RNU4-2: variants seen among roughly 807,000 people sequenced by gnomAD.
RNU4-2 encodes the protein RNA, U4 small nuclear 1B.
chr12:120,291,844 T>C (rs952217888), exon 1 of RNU4-2: 14 of 152,170 alleles, frequency 9.2e-5, no homozygotes, highest in African/African-American at 1.7e-4. Flanking sequence ...AGTTTTCAAT[T>C]AGCAATAATC....
exon 1 of RNU4-2, chr12:120,291,900 A>C (rs1871990041): frequency 6.6e-6 from 1 of 152,128 alleles, no homozygotes; most frequent in African/African-American, 2.4e-5. Context: ...CACTGCGCAA[A>C]GCTGGAAAGG....
chr12:120,291,871 T>A (rs1224529843), exon 1 of RNU4-2: 1 of 152,138 alleles, frequency 6.6e-6, no homozygotes, highest in Non-Finnish European at 1.5e-5. Context: ...CGGATAAACC[T>A]CATTGGCTAC....
At chr12:120,291,864 A>AT (rs1015783923) in exon 1 of RNU4-2, 9 of 152,138 alleles carry the variant, frequency 5.9e-5, no homozygotes, top group Admixed American at 1.3e-4. Context: ...CGCGCCTCGG[A>AT]TAAACCTCAT....
chr12:120,291,804 T>C (rs1298139272), exon 1 of RNU4-2: 5 of 152,332 alleles, frequency 3.3e-5, no homozygotes, highest in African/African-American at 7.2e-5. Flanking sequence ...CCGACTATAT[T>C]TCAAGTCGTC....
chr12:120,291,793 G>T (rs961630411), exon 1 of RNU4-2: 2 of 152,098 alleles, frequency 1.3e-5, no homozygotes, highest in Non-Finnish European at 2.9e-5. Flanking sequence ...AATTGCCAAT[G>T]CCGACTATAT....
chr12:120,291,892 C>T (rs941221929), exon 1 of RNU4-2: 1 of 152,156 alleles, frequency 6.6e-6, no homozygotes, highest in Non-Finnish European at 1.5e-5. Context: ...GATACTGCCA[C>T]TGCGCAAAGC....
exon 1 of RNU4-2, chr12:120,291,890 C>T (rs561549718): frequency 3.9e-5 from 6 of 152,104 alleles, no homozygotes; most frequent in African/African-American, 9.7e-5. Flanking sequence ...ACGATACTGC[C>T]ACTGCGCAAA....
rs1003257031 is a variant in RNU4-2, at chr12:120,291,897, C to G, written n.7G>C. Reference sequence around the variant, plus strand: ...CATTGGCTACGATACTGCCACTGCGCAAAGCTGGAAAGGTTCTGTTCGCGC... The same window carrying G: ...CATTGGCTACGATACTGCCACTGCGGAAAGCTGGAAAGGTTCTGTTCGCGC... On this transcript the variant is annotated non_coding_transcript_exon_variant, in exon 1 of 1. Transcript: ENST00000365668. The G allele has an allele frequency of 1.3e-5, 2 of 152,104 alleles. No homozygotes were observed. Among genetic ancestry groups the G allele is most frequent in the African/African-American group, 2.4e-5 (1 of 41,414 alleles). The allele number at this position is 152,104 out of a possible 1,614,324, so 9.4% of individuals were successfully genotyped here.
exon 1 of RNU4-2, chr12:120,291,883 A>G (rs1017668573): frequency 6.6e-6 from 1 of 152,078 alleles, no homozygotes; most frequent in Non-Finnish European, 1.5e-5. Context: ...ATTGGCTACG[A>G]TACTGCCACT....
At chr12:120,291,763 T>A (rs570671979) in exon 1 of RNU4-2, 1 of 152,128 alleles carries the variant, frequency 6.6e-6, no homozygotes, top group Non-Finnish European at 1.5e-5. Context: ...AAAAATTCAG[T>A]CTCCGTAGAG....
chr12:120,291,771 G>T (rs575295998), exon 1 of RNU4-2: 1 of 152,262 alleles, frequency 6.6e-6, no homozygotes, highest in South Asian at 2.1e-4. Context: ...AGTCTCCGTA[G>T]AGACTGTCAA....
In RNU4-2 at chr12:120,291,878, C is replaced by T. The variant is rs576696123; in HGVS notation, n.26G>A. 2.6e-5 allele frequency: 4 copies of T among 152,204 alleles called. No individual in the cohort carries two copies. The highest frequency in any genetic ancestry group is 2.1e-4 in the South Asian group (1 of 4,816). The allele number at this position is 152,204 out of a possible 1,614,324, so 9.4% of individuals were successfully genotyped here. ...TCGCGCCTCGGATAAACCTCATTGG[C>T]TACGATACTGCCACTGCGCAAAGCT... On this transcript the variant is annotated non_coding_transcript_exon_variant, in exon 1 of 1. Transcript: ENST00000365668.
At chr12:120,291,768 G>A (rs749327306) in exon 1 of RNU4-2, 6 of 152,110 alleles carry the variant, frequency 3.9e-5, no homozygotes, top group Non-Finnish European at 7.3e-5. Flanking sequence ...TTCAGTCTCC[G>A]TAGAGACTGT....
exon 1 of RNU4-2, chr12:120,291,859 C>T (rs1222177579): frequency 2.0e-5 from 3 of 152,136 alleles, no homozygotes; most frequent in Admixed American, 1.3e-4. Context: ...ATAATCGCGC[C>T]TCGGATAAAC....
chr12:120,291,806 C>A (rs568537588), exon 1 of RNU4-2: 1 of 152,184 alleles, frequency 6.6e-6, no homozygotes, highest in African/African-American at 2.4e-5. Flanking sequence ...GACTATATTT[C>A]AAGTCGTCAT....
chr12:120,291,903 T>G (rs775530273), exon 1 of RNU4-2: 2 of 152,024 alleles, frequency 1.3e-5, no homozygotes, highest in Non-Finnish European at 2.9e-5. Context: ...TGCGCAAAGC[T>G]GGAAAGGTTC....
Position 120,291,793 on chromosome 12 carries a change from G to A in RNU4-2, n.111C>T, listed in dbSNP as rs961630411. The A allele has an allele frequency of 5.9e-5, 9 of 152,098 alleles. No individual in the cohort carries two copies. Among genetic ancestry groups the A allele is most frequent in the Non-Finnish European group, 8.8e-5 (6 of 68,024 alleles). 9.4% of individuals were successfully genotyped at this position (152,098 alleles called of 1,614,324 possible). A position where few individuals can be genotyped will look rare whatever the true frequency, so the allele number is the denominator to read the frequency against. On this transcript the variant is annotated non_coding_transcript_exon_variant, in exon 1 of 1. Coordinates refer to ENST00000365668, the Ensembl canonical transcript of RNU4-2. Reference sequence around the variant, plus strand: ...GTAGAGACTGTCAAAAATTGCCAATGCCGACTATATTTCAAGTCGTCATGG... The same window carrying A: ...GTAGAGACTGTCAAAAATTGCCAATACCGACTATATTTCAAGTCGTCATGG...
exon 1 of RNU4-2, chr12:120,291,878 C>G (rs576696123): frequency 6.6e-6 from 1 of 152,090 alleles, no homozygotes; most frequent in Non-Finnish European, 1.5e-5. Flanking sequence ...ACCTCATTGG[C>G]TACGATACTG....
At position 120,291,775 on chromosome 12, in the gene RNU4-2, C is replaced by T. The variant is rs556495915; in HGVS notation, n.129G>A. ...TTTAAAAATTCAGTCTCCGTAGAGA[C>T]TGTCAAAAATTGCCAATGCCGACTA... On this transcript the variant is annotated non_coding_transcript_exon_variant, in exon 1 of 1. Coordinates refer to ENST00000365668, the Ensembl canonical transcript of RNU4-2. The T allele has an allele frequency of 2.0e-5, 3 of 152,178 alleles. No individual in the cohort carries two copies. Among genetic ancestry groups the T allele is most frequent in the African/African-American group, 7.2e-5 (3 of 41,446 alleles). The allele number at this position is 152,178 out of a possible 1,614,324, so 9.4% of individuals were successfully genotyped here.
Sources: allele counts gnomAD v4.1 joint callset, GRCh38; gene constraint gnomAD v4.1.1; transcripts MANE v1.5; gene names NCBI Gene and HGNC (gene_info 2026-07-23, HGNC 2026-07-21).